Variants in ELAVL2 observed in about 807,000 individuals in gnomAD.
The protein encoded by ELAVL2 is ELAV-like protein 2.
A neutral mutation model predicts 34.6 loss-of-function variants in ELAVL2; 4 were observed. The ratio of observed to expected loss-of-function variants is 0.12; its 90% CI spans 0.06 to 0.26. The LOEUF is 0.26. ELAVL2 is among the 10% of genes least tolerant of loss of function. The pLI, the probability that ELAVL2 is intolerant of heterozygous loss-of-function variation, is 1.00. For missense variants in ELAVL2, 432 were observed against 442.8 expected, an observed-to-expected ratio of 0.98 and a Z score of 0.22; for synonymous variants, 193 against 154.8, an observed-to-expected ratio of 1.25 and a Z score of -1.83.
intron 1 of ELAVL2, among the ~76,000 whole-genome samples, chr9:23,797,569 G>A (rs1247462686): frequency 6.6e-6 from 1 of 152,202 alleles, no homozygotes; most frequent in Non-Finnish European, 1.5e-5. Flanking sequence ...GGGACTGAGA[G>A]GAGATTTTTT....
In ELAVL2 at chr9:23,746,532, G is replaced by A. The variant is rs531374608; in HGVS notation, c.230-15407C>T. Among the ~76,000 whole-genome samples the A allele has an allele frequency of 4.6e-5, 7 of 152,152 alleles. No homozygotes were observed. The South Asian group carries it at 1.5e-3, about 32-fold the overall frequency. Reference sequence around the variant, plus strand: ...TACCCCCACCTCAGAACAGAGAGGTGAGTCATCATCACCATCTTATCCTTC... The same window carrying A: ...TACCCCCACCTCAGAACAGAGAGGTAAGTCATCATCACCATCTTATCCTTC... On this transcript the variant is annotated intron_variant, in intron 2 of 6. Transcript: ENST00000397312.
chr9:23,727,634 G>C (rs993970450), intron 3 of ELAVL2, among the ~76,000 whole-genome samples: 1 of 152,042 alleles, frequency 6.6e-6, no homozygotes, highest in African/African-American at 2.4e-5. Context: ...CTCACCTGTG[G>C]ACAGGGATCG....
At chr9:23,787,842 G>C (rs1205330544) in intron 1 of ELAVL2, among the ~76,000 whole-genome samples, 2 of 152,186 alleles carry the variant, frequency 1.3e-5, no homozygotes, top group Admixed American at 6.5e-5. Context: ...CAGCTAGGTA[G>C]TGCCAAACAA....
At chr9:23,840,279 T>C in the ELAVL2 span, among the ~76,000 whole-genome samples, 1 of 152,226 alleles carries the variant, frequency 6.6e-6, no homozygotes, top group Non-Finnish European at 1.5e-5. Context: ...AGCCCAGTGA[T>C]TCTCACACAT....
intron 1 of ELAVL2, among the ~76,000 whole-genome samples, chr9:23,824,935 C>T (rs1253166475): frequency 3.9e-5 from 6 of 152,122 alleles, no homozygotes; most frequent in Non-Finnish European, 8.8e-5. Context: ...TTCCCCCTCT[C>T]CCCGAAGGCG....
chr9:23,786,290 G>A (rs1007773202), intron 1 of ELAVL2, among the ~76,000 whole-genome samples: 2 of 152,102 alleles, frequency 1.3e-5, no homozygotes, highest in African/African-American at 4.8e-5. Flanking sequence ...AATGATGTAA[G>A]CAACAAAGAT....
At chr9:23,790,356 C>A (rs901551689) in intron 1 of ELAVL2, among the ~76,000 whole-genome samples, 1 of 152,142 alleles carries the variant, frequency 6.6e-6, no homozygotes, top group African/African-American at 2.4e-5. Context: ...ATTAGACACC[C>A]CAATACCCGC....
chr9:23,693,866 T>C (rs892323337), intron 5 of ELAVL2, among the ~76,000 whole-genome samples: 1 of 152,216 alleles, frequency 6.6e-6, no homozygotes, highest in African/African-American at 2.4e-5. Flanking sequence ...TGTTGGTGCC[T>C]GCAGATACCT....
intron 3 of ELAVL2, among the ~76,000 whole-genome samples, chr9:23,715,138 G>A (rs769893095): frequency 1.3e-5 from 2 of 152,104 alleles, no homozygotes; most frequent in Non-Finnish European, 2.9e-5. Flanking sequence ...CCTGTTGAAC[G>A]TATACATTCC....
intron 2 of ELAVL2, among the ~76,000 whole-genome samples, chr9:23,733,873 C>T (rs2047197827): frequency 6.6e-6 from 1 of 152,148 alleles, no homozygotes; most frequent in African/African-American, 2.4e-5. Flanking sequence ...TCAAATGGGT[C>T]TTCCACCTGA....
chr9:23,717,730 G>C (rs1374911710), intron 3 of ELAVL2, among the ~76,000 whole-genome samples: 1 of 151,972 alleles, frequency 6.6e-6, no homozygotes, highest in East Asian at 1.9e-4. Flanking sequence ...TCCAAATAAT[G>C]GTCATATAAA....
upstream of ELAVL2, among the ~76,000 whole-genome samples, chr9:23,827,174 A>G (rs1053331797): frequency 1.3e-5 from 2 of 152,246 alleles, no homozygotes; most frequent in Non-Finnish European, 2.9e-5. Context: ...GCAGACAGGT[A>G]CAGTCCTTGG....
chr9:23,802,498 T>C (rs1312315777), intron 1 of ELAVL2, among the ~76,000 whole-genome samples: 1 of 152,152 alleles, frequency 6.6e-6, no homozygotes, highest in Non-Finnish European at 1.5e-5. Context: ...TTCTTAAATT[T>C]ACCCCTCCCC....
At chr9:23,704,627 A>C (rs954641961) in intron 4 of ELAVL2, among the ~76,000 whole-genome samples, 1 of 152,186 alleles carries the variant, frequency 6.6e-6, no homozygotes, top group Non-Finnish European at 1.5e-5. Context: ...CTTTTATCAC[A>C]CAGTGGCTTG....
chr9:23,786,084 T>C (rs911259183), intron 1 of ELAVL2, among the ~76,000 whole-genome samples: 1 of 152,140 alleles, frequency 6.6e-6, no homozygotes, highest in Admixed American at 6.6e-5. Flanking sequence ...CCAAGGACAT[T>C]TGAAACATTT....
At chr9:23,834,341 A>C in the ELAVL2 span, among the ~76,000 whole-genome samples, 1 of 151,998 alleles carries the variant, frequency 6.6e-6, no homozygotes, top group Non-Finnish European at 1.5e-5. Flanking sequence ...TAGGAGCTAC[A>C]GTTTTGCAAA....
chr9:23,797,559 G>C (rs953806407), intron 1 of ELAVL2, among the ~76,000 whole-genome samples: 2 of 152,202 alleles, frequency 1.3e-5, no homozygotes, highest in Non-Finnish European at 2.9e-5. Flanking sequence ...ATTAAAGGTA[G>C]GGACTGAGAG....
At chr9:23,813,236 T>C (rs1417032937) in intron 1 of ELAVL2, among the ~76,000 whole-genome samples, 3 of 152,170 alleles carry the variant, frequency 2.0e-5, no homozygotes, top group African/African-American at 7.2e-5. Flanking sequence ...GGAGCCTCTT[T>C]CTACTTCTGC....
intron 3 of ELAVL2, among the ~76,000 whole-genome samples, chr9:23,711,243 T>C (rs188265868): frequency 3.9e-5 from 6 of 152,296 alleles, no homozygotes; most frequent in African/African-American, 7.2e-5. Context: ...TATTCCAAAA[T>C]ATAGGATTTA....
Sources: allele counts gnomAD v4.1 joint callset (sites outside exome capture counted in the v4.1 genomes callset), GRCh38; gene constraint gnomAD v4.1.1; transcripts MANE v1.5; gene names NCBI Gene and HGNC (gene_info 2026-07-23, HGNC 2026-07-21).